COL11A2: variants seen among roughly 807,000 people sequenced by gnomAD.
The protein encoded by COL11A2 is collagen alpha-2(XI) chain.
In COL11A2, 116 loss-of-function variants were observed where a neutral mutation model predicts 273.4. The ratio of observed to expected loss-of-function variants is 0.42; its 90% CI spans 0.36 to 0.49. COL11A2 has a LOEUF of 0.49. COL11A2 is among the 20% of genes least tolerant of loss of function. The pLI, the probability that COL11A2 is intolerant of heterozygous loss-of-function variation, is 0.00. For synonymous variants in COL11A2, 782 were observed against 864.2 expected, an observed-to-expected ratio of 0.90 and a Z score of 1.67; for missense variants, 1,866 against 2,309.0, an observed-to-expected ratio of 0.81 and a Z score of 3.93.
At position 33,185,731 on chromosome 6, in the gene COL11A2, C is replaced by A; in HGVS notation, c.846G>T (p.Val282=). 2 of 1,361,190 alleles carry A rather than the reference C, an allele frequency of 1.5e-6. No homozygotes were observed. The highest frequency in any genetic ancestry group is 2.0e-6 in the Non-Finnish European group (2 of 1,019,128). 84.3% of individuals were successfully genotyped at this position (1,361,190 alleles called of 1,614,324 possible). The change falls in exon 6 of 66, where the codon GTG becomes GTT. Residue 282 remains valine (V), a synonymous_variant. Coordinates refer to ENST00000341947, the MANE Select transcript of COL11A2 (RefSeq NM_080680.3). The stretch of plus-strand genomic sequence containing the variant: ...AATCAGGGGTTGTCCCCGTAGTCAT[C>A]ACATCATAATAGGGGGGCTCGTAGT... ...YYDYEPPYYD[V]MTTGTTPDYQ...
intron 6 of COL11A2, 123 bp from the exon 7 acceptor site, chr6:33,185,177 G>C (rs1404479948): frequency 1.3e-6 from 1 of 753,140 alleles, no homozygotes; most frequent in Non-Finnish European, 2.4e-6. Flanking sequence ...TGGGGGATGG[G>C]GGAAATCTCA....
At chr6:33,183,036 A>G (rs1267486941) in intron 8 of COL11A2, among the ~76,000 whole-genome samples, 1 of 152,184 alleles carries the variant, frequency 6.6e-6, no homozygotes, top group Non-Finnish European at 1.5e-5. Flanking sequence ...GTAGAAGCTC[A>G]AGGGAGGCAA....
Position 33,169,475 on chromosome 6 carries a change from G to A in COL11A2, c.3706C>T (p.Arg1236Cys), listed in dbSNP as rs751612997. ...TGCCCCGACTCTCCTTTCTCTCCAC[G>A]TTCCCCGCGTGGACCCTGCAGAACA... ...EPGVKGPRGE[R>C]GEKGESGQPG... The change falls in exon 51 of 66, where the codon CGT (arginine) becomes TGT (cysteine). Residue 1236 changes from arginine (R) to cysteine (C), a missense_variant. By Grantham distance (180) the Arg-to-Cys change is radical (BLOSUM62 -3). Coordinates refer to ENST00000341947, the MANE Select transcript of COL11A2 (RefSeq NM_080680.3). The surrounding 1 kb of genome is among the most constrained non-coding windows in gnomAD (Gnocchi z 5.5). The A allele has an allele frequency of 3.3e-5, 54 of 1,612,706 alleles. No individual in the cohort carries two copies. Among genetic ancestry groups the A allele is most frequent in the Middle Eastern group, 3.3e-4 (2 of 6,084 alleles).
chr6:33,164,704 AAAG>A lies in COL11A2; in HGVS notation c.4863+145_4863+147del. On this transcript the variant is annotated intron_variant, in intron 64 of 65. Transcript: ENST00000341947. The surrounding 1 kb of genome is among the most constrained non-coding windows in gnomAD (Gnocchi z 4.7). ...AGCATCAGAGGACCGGTGAAAAGGAAAAGAAGAAAGAGCTAAGAAGTGGAGAAG... is the reference window on the plus strand; with the variant it reads ...AGCATCAGAGGACCGGTGAAAAGGAAAAGAAAGAGCTAAGAAGTGGAGAAG... The A allele has an allele frequency of 1.4e-6, 1 of 738,186 alleles. No homozygotes were observed. Among genetic ancestry groups the A allele is most frequent in the African/African-American group, 1.8e-5 (1 of 56,860 alleles). The allele number at this position is 738,186 out of a possible 1,614,324, so 45.7% of individuals were successfully genotyped here.
Position 33,165,658 on chromosome 6 carries a change from G to C in COL11A2, c.4641C>G (p.Leu1547=), listed in dbSNP as rs758306963. 5.6e-6 allele frequency: 9 copies of C among 1,612,272 alleles called. No individual in the cohort carries two copies. The highest frequency in any genetic ancestry group is 7.6e-6 in the Non-Finnish European group (9 of 1,179,966). Residue 1547 remains leucine, a synonymous_variant, in exon 63 of 66, where the codon CTC becomes CTG. Coordinates refer to ENST00000341947, the MANE Select transcript of COL11A2 (RefSeq NM_080680.3). This position sits in a 1 kb window ranked among gnomAD's most constrained non-coding sequence, Gnocchi z 7.7. ...GCTCGATCTCCTCCCGCAGGGAGTC[G>C]AGTGAGCCAAAGATCTCCTCCAGCC... ...PGGLEEIFGS[L]DSLREEIEQM...
At chr6:33,186,107 C>T (rs1300875881) in intron 5 of COL11A2, among the ~76,000 whole-genome samples, 1 of 151,982 alleles carries the variant, frequency 6.6e-6, no homozygotes, top group South Asian at 2.1e-4. Flanking sequence ...CCTTCCCTTC[C>T]CTTCCCTTCC....
rs1771037913 is a variant in COL11A2 at position 33,177,207 on chromosome 6, C to G, written c.1990G>C (p.Gly664Arg). 6.2e-7 allele frequency: 1 copy of G among 1,612,958 alleles called. No individual in the cohort carries two copies. Among genetic ancestry groups the G allele is most frequent in the South Asian group, 1.1e-5 (1 of 91,092 alleles). Residue 664 changes from glycine to arginine, a missense_variant, in exon 24 of 66, where the codon GGT (glycine) becomes CGT (arginine). Transcript: ENST00000341947. This position sits in a 1 kb window ranked among gnomAD's most constrained non-coding sequence, Gnocchi z 5.9. ...TTCTCTCCATGAGGGCCGATGGCAC[C>G]CTGGGGCCCGGGAAGACCCTACATA... ...PGTQGLPGPQ[G>R]AIGPHGEKGP...
intron 54 of COL11A2, 57 bp downstream of exon 54, chr6:33,168,462 T>TC (rs1319405462): frequency 6.3e-7 from 1 of 1,591,308 alleles, no homozygotes; most frequent in East Asian, 2.2e-5. Flanking sequence ...TTGCCCAGCC[T>TC]CCACCCACAC....
In COL11A2 at chr6:33,166,643, G is replaced by A. The variant is rs2150521857; in HGVS notation, c.4338+77C>T. On this transcript the variant is annotated intron_variant, in intron 59 of 65. Coordinates refer to ENST00000341947, the MANE Select transcript of COL11A2 (RefSeq NM_080680.3). This position sits in a 1 kb window ranked among gnomAD's most constrained non-coding sequence, Gnocchi z 4.8. ...AGCACCTGCTCGCTTACCCACAGCT[G>A]AGTCCCAACTCCAACTCCACCCCTC... 2 of 1,610,474 alleles carry A rather than the reference G, an allele frequency of 1.2e-6. No homozygotes were observed. The highest frequency in any genetic ancestry group is 1.7e-6 in the Non-Finnish European group (2 of 1,177,336).
chr6:33,189,851 TTCTG>T lies in COL11A2; in HGVS notation c.83-386_83-383del, dbSNP rs1449129958. ...TCTCTCTGTCTCTTTATGTTGGTCT[TTCTG>T]TCTCTGTCTCTTCTGTCTTCCTCCA... is the stretch of plus-strand genomic sequence containing the variant. On this transcript the variant is annotated intron_variant, in intron 1 of 65. Coordinates refer to ENST00000341947, the MANE Select transcript of COL11A2 (RefSeq NM_080680.3). The surrounding 1 kb of genome is among the most constrained non-coding windows in gnomAD (Gnocchi z 5.6). 6.6e-6 allele frequency among the ~76,000 whole-genome samples: 1 copy of T among 152,132 alleles called. No individual in the cohort carries two copies. Among genetic ancestry groups the T allele is most frequent in the East Asian group, 1.9e-4 (1 of 5,196 alleles).
At chr6:33,185,194 G>A (rs1772238498) in intron 6 of COL11A2, 140 bp from the exon 7 acceptor site, 3 of 714,822 alleles carry the variant, frequency 4.2e-6, no homozygotes, top group Non-Finnish European at 7.7e-6. Flanking sequence ...CTCAGATCTT[G>A]CAGCCCCTTT....
At position 33,169,403 on chromosome 6, in the gene COL11A2, C is replaced by G. The variant is rs1769705019; in HGVS notation, c.3778G>C (p.Asp1260His). ...PPGPKGPTGD[D>H]GPKGNPGPVG... ...CTCACAGGGTTCCCTTTGGGGCCAT[C>G]ATCGCCTGTGGGGCCTTTAGGCCCT... The change falls in exon 51 of 66, where the codon GAT becomes CAT. Residue 1260 changes from aspartate to histidine, a missense_variant. Coordinates refer to ENST00000341947, the MANE Select transcript of COL11A2 (RefSeq NM_080680.3). This position sits in a 1 kb window ranked among gnomAD's most constrained non-coding sequence, Gnocchi z 5.5. 6.2e-7 allele frequency: 1 copy of G among 1,612,884 alleles called. No homozygotes were observed. The highest frequency in any genetic ancestry group is 2.2e-5 in the East Asian group (1 of 44,874).
chr6:33,190,451 A>T lies in COL11A2; in HGVS notation c.83-982T>A, dbSNP rs575335472. On this transcript the variant is annotated intron_variant, in intron 1 of 65. Transcript: ENST00000341947. This position sits in a 1 kb window ranked among gnomAD's most constrained non-coding sequence, Gnocchi z 4.5. ...TCCTAGGGCTCAAACTCCCTGGAAA[A>T]CAAAAGATCACCTTGCCCTCACTTG... 9.9e-5 allele frequency among the ~76,000 whole-genome samples: 15 copies of T among 152,270 alleles called. No homozygotes were observed. The East Asian group carries it at 2.7e-3, about 27-fold the overall frequency.
At chr6:33,191,104 T>C (rs1773053247) in intron 1 of COL11A2, among the ~76,000 whole-genome samples, 1 of 152,108 alleles carries the variant, frequency 6.6e-6, no homozygotes, top group African/African-American at 2.4e-5. Context: ...GAAACAGTCA[T>C]CTTAGCCATC....
At position 33,173,687 on chromosome 6, in the gene COL11A2, C is replaced by T. The variant is rs559123089; in HGVS notation, c.2628+14G>A. The T allele has an allele frequency of 6.1e-5, 95 of 1,558,770 alleles. No homozygotes were observed. Among genetic ancestry groups the T allele is most frequent in the Middle Eastern group, 1.7e-4 (1 of 5,798 alleles). ...GGGGACCTCAGGGGAAGGGGACTTT[C>T]GATCCACACTCACCCTCTCTCCAGG... On this transcript the variant is annotated intron_variant, in intron 35 of 65. Transcript: ENST00000341947. The surrounding 1 kb of genome is among the most constrained non-coding windows in gnomAD (Gnocchi z 6.3).
In COL11A2 at chr6:33,179,675, T is replaced by G. The variant is rs1771456752; in HGVS notation, c.1446+44A>C. ...CACTCACTCCAGCCAACCCTTCCAGTGCCCCCCAGAGCCTTCCCTTTCCAG... is the reference window on the plus strand; with the variant it reads ...CACTCACTCCAGCCAACCCTTCCAGGGCCCCCCAGAGCCTTCCCTTTCCAG... On this transcript the variant is annotated intron_variant, in intron 13 of 65. Transcript: ENST00000341947. The surrounding 1 kb of genome is among the most constrained non-coding windows in gnomAD (Gnocchi z 6.4). The G allele has an allele frequency of 6.2e-7, 1 of 1,603,454 alleles. No individual in the cohort carries two copies. The highest frequency in any genetic ancestry group is 1.1e-5 in the South Asian group (1 of 90,930).
rs1329111779 is a variant in COL11A2, at chr6:33,189,039, T to A, written c.382A>T (p.Thr128Ser). 1 of 1,614,114 alleles carries A rather than the reference T, an allele frequency of 6.2e-7. No homozygotes were observed. The highest frequency in any genetic ancestry group is 2.2e-5 in the East Asian group (1 of 44,872). The change falls in exon 3 of 66, where the codon ACT becomes TCT. Residue 128 changes from threonine (T) to serine (S), a missense_variant. By Grantham distance (58) the Thr-to-Ser change is moderately conservative. Coordinates refer to ENST00000341947, the MANE Select transcript of COL11A2 (RefSeq NM_080680.3). The surrounding 1 kb of genome is among the most constrained non-coding windows in gnomAD (Gnocchi z 5.6). ...TGAGAGGGAGGTTGAGGCCGCCCAG[T>A]CTGGTCTTCATACAGGAAGCGGACA... ...RPVRFLYEDQ[T>S]GRPQPPSQPV...
In COL11A2 at chr6:33,173,986, A is replaced by G. The variant is rs889719855; in HGVS notation, c.2529+25T>C. On this transcript the variant is annotated intron_variant, in intron 33 of 65. Transcript: ENST00000341947. This position sits in a 1 kb window ranked among gnomAD's most constrained non-coding sequence, Gnocchi z 6.3. The stretch of plus-strand genomic sequence containing the variant: ...AATGCCCCCCTCTGGACCTTGAGCC[A>G]CCTGTTTCTCTCCCCTGCACTCACC... 8 of 1,613,854 alleles carry G rather than the reference A, an allele frequency of 5.0e-6. No individual in the cohort carries two copies. Among genetic ancestry groups the G allele is most frequent in the Middle Eastern group, 3.3e-4 (2 of 6,062 alleles).
rs780997523 is a variant in COL11A2 at position 33,166,846 on chromosome 6, A to G, written c.4231-19T>C. 2 of 1,611,796 alleles carry G rather than the reference A, an allele frequency of 1.2e-6. No individual in the cohort carries two copies. Among genetic ancestry groups the G allele is most frequent in the Admixed American group, 1.7e-5 (1 of 59,826 alleles). ...GGTGGCCCTAGAGAAGGGTGCAGGCAGTCAAGAGAATGCAAAGAGGAGTCA... is the reference window on the plus strand; with the variant it reads ...GGTGGCCCTAGAGAAGGGTGCAGGCGGTCAAGAGAATGCAAAGAGGAGTCA... On this transcript the variant is annotated intron_variant, in intron 58 of 65. Transcript: ENST00000341947. The surrounding 1 kb of genome is among the most constrained non-coding windows in gnomAD (Gnocchi z 4.8).
Sources: gnomAD v4.1 joint callset for allele counts (sites outside exome capture counted in the v4.1 genomes callset) on GRCh38, gnomAD v4.1.1 for gene constraint, Gnocchi (gnomAD v3.1) non-coding constraint, MANE v1.5 for transcripts, NCBI Gene and HGNC (gene_info 2026-07-23, HGNC 2026-07-21) for gene names.